RBMS1: variants seen among roughly 807,000 people sequenced by gnomAD.
RBMS1 encodes RNA binding motif single stranded interacting protein 1.
RBMS1 carries 17 observed loss-of-function variants against 62.3 expected under a neutral mutation model. The ratio of observed to expected loss-of-function variants is 0.27; its 90% CI spans 0.19 to 0.41. RBMS1 has a LOEUF of 0.41. Ranked by LOEUF, RBMS1 falls within the 10% of genes least tolerant of loss-of-function variation. The probability of loss-of-function intolerance (pLI) is 1.00; values close to 1 mark genes in which losing one functional copy is unlikely to be tolerated. For synonymous variants in RBMS1, 172 were observed against 170.0 expected, an observed-to-expected ratio of 1.01 and a Z score of -0.09; for missense variants, 334 against 504.5, an observed-to-expected ratio of 0.66 and a Z score of 3.24.
At chr2:160,439,732 G>A (rs1300892855) in intron 1 of RBMS1, among the ~76,000 whole-genome samples, 2 of 152,208 alleles carry the variant, frequency 1.3e-5, no homozygotes, top group Non-Finnish European at 2.9e-5. Context: ...GTAGCAAGCC[G>A]AGATCATGCC....
chr2:160,273,931 C>A lies in RBMS1; in HGVS notation c.*841G>T, dbSNP rs1484672823. ...GTCAGAAAATGTGTTTCACACAAAA[C>A]ATTTTTCCCTTCTTGCATTTCACTA... On this transcript the variant is annotated 3_prime_UTR_variant, in exon 14 of 14. Coordinates refer to ENST00000348849, the MANE Select transcript of RBMS1 (RefSeq NM_016836.4). 6.6e-6 allele frequency: 1 copy of A among 152,664 alleles called. No homozygotes were observed. The highest frequency in any genetic ancestry group is 2.4e-5 in the African/African-American group (1 of 41,468). 9.5% of individuals were successfully genotyped at this position (152,664 alleles called of 1,614,324 possible).
intron 1 of RBMS1, among the ~76,000 whole-genome samples, chr2:160,491,147 C>T (rs1024397869): frequency 2.6e-5 from 4 of 151,924 alleles, no homozygotes; most frequent in Admixed American, 6.6e-5. Context: ...ACTCTGCTTA[C>T]CTAAAATTTG....
rs1351662262 is a variant in RBMS1, at chr2:160,493,636, G to C, written c.-273C>G. On this transcript the variant is annotated 5_prime_UTR_variant, in exon 1 of 14. Coordinates refer to ENST00000348849, the MANE Select transcript of RBMS1 (RefSeq NM_016836.4). ...ACTGCAGAGCGCAGAGGGCACCCCG[G>C]ACAGGGCGCTCCCAAGGAGTTTCCT... 1.9e-6 allele frequency: 1 copy of C among 528,280 alleles called. No homozygotes were observed. The highest frequency in any genetic ancestry group is 3.4e-6 in the Non-Finnish European group (1 of 293,100). 32.7% of individuals were successfully genotyped at this position (528,280 alleles called of 1,614,324 possible).
intron 2 of RBMS1, among the ~76,000 whole-genome samples, chr2:160,338,444 T>C (rs1691694423): frequency 6.6e-6 from 1 of 152,158 alleles, no homozygotes; most frequent in South Asian, 2.1e-4. Flanking sequence ...CTCAATTTTA[T>C]GTATACTAGA....
rs1396822840 is a variant in RBMS1 at position 160,435,276 on chromosome 2, C to T, written c.75+58013G>A. 2.0e-5 allele frequency among the ~76,000 whole-genome samples: 3 copies of T among 152,132 alleles called. No individual in the cohort carries two copies. In the East Asian group the frequency reaches 5.8e-4, roughly 29 times the overall value. ...TATCTCTTTTTTATTGGTATACCAA[C>T]AATTTTTTAATCATACAGTTATTAT... is the stretch of plus-strand genomic sequence containing the variant. On this transcript the variant is annotated intron_variant, in intron 1 of 13. Coordinates refer to ENST00000348849, the MANE Select transcript of RBMS1 (RefSeq NM_016836.4).
intron 1 of RBMS1, among the ~76,000 whole-genome samples, chr2:160,384,097 T>C (rs1694440532): frequency 6.6e-6 from 1 of 152,204 alleles, no homozygotes; most frequent in Non-Finnish European, 1.5e-5. Context: ...CTAGGGAGGC[T>C]GAGGCAGGAG....
chr2:160,455,719 T>A (rs1182555525), intron 1 of RBMS1, among the ~76,000 whole-genome samples: 1 of 144,866 alleles, frequency 6.9e-6, no homozygotes, highest in Non-Finnish European at 1.5e-5. Context: ...AGTCTCGCTC[T>A]GTCGCCCAGG....
chr2:160,356,447 C>G (rs1692806738), intron 2 of RBMS1, among the ~76,000 whole-genome samples: 1 of 151,964 alleles, frequency 6.6e-6, no homozygotes, highest in Admixed American at 6.6e-5. Context: ...GATGAGGAAG[C>G]AAGGGTGCTG....
At chr2:160,339,573 TAC>T (rs1482740615) in intron 2 of RBMS1, among the ~76,000 whole-genome samples, 1 of 152,150 alleles carries the variant, frequency 6.6e-6, no homozygotes, top group Non-Finnish European at 1.5e-5. Flanking sequence ...GTGTATTTAT[TAC>T]ACACCATGAT....
At chr2:160,396,480 C>G (rs1041960865) in intron 1 of RBMS1, among the ~76,000 whole-genome samples, 1 of 151,132 alleles carries the variant, frequency 6.6e-6, no homozygotes, top group African/African-American at 2.4e-5. Flanking sequence ...ACCTTCAAGG[C>G]TTTTACCTCA....
At chr2:160,485,487 G>T (rs949559847) in intron 1 of RBMS1, among the ~76,000 whole-genome samples, 1 of 152,130 alleles carries the variant, frequency 6.6e-6, no homozygotes, top group Admixed American at 6.6e-5. Flanking sequence ...TATAAAGTGG[G>T]TTACTTTTAC....
chr2:160,342,860 C>T (rs1405538450), intron 2 of RBMS1, among the ~76,000 whole-genome samples: 1 of 151,938 alleles, frequency 6.6e-6, no homozygotes, highest in East Asian at 1.9e-4. Context: ...ATCATTTGAA[C>T]CCGGAAAGCG....
intron 1 of RBMS1, among the ~76,000 whole-genome samples, chr2:160,438,994 G>C (rs547495045): frequency 6.8e-6 from 1 of 147,426 alleles, no homozygotes; most frequent in African/African-American, 2.5e-5. Flanking sequence ...CCTCCCGGAC[G>C]GGGCGGCTGG....
chr2:160,342,444 C>T (rs904009434), intron 2 of RBMS1, among the ~76,000 whole-genome samples: 1 of 152,090 alleles, frequency 6.6e-6, no homozygotes, highest in Non-Finnish European at 1.5e-5. Flanking sequence ...ACTCACTCCA[C>T]CCGGAAGCAA....
chr2:160,414,082 G>A lies in RBMS1; in HGVS notation c.76-46691C>T, dbSNP rs139578604. 2.1e-3 allele frequency among the ~76,000 whole-genome samples: 321 copies of A among 152,196 alleles called. 1 individual carries two copies. Among genetic ancestry groups the A allele is most frequent in the African/African-American group, 7.5e-3 (310 of 41,500 alleles). The stretch of plus-strand genomic sequence containing the variant: ...ACCATTTACCATCTGTGTCACATTG[G>A]GCAAGGCACTTATCCCTTCTAGAAG... On this transcript the variant is annotated intron_variant, in intron 1 of 13. Transcript: ENST00000348849.
chr2:160,298,341 T>A (rs943270373), intron 6 of RBMS1, among the ~76,000 whole-genome samples: 2 of 151,708 alleles, frequency 1.3e-5, no homozygotes, highest in African/African-American at 4.8e-5. Flanking sequence ...CTGGAGAGGA[T>A]GAATATAAGG....
Position 160,446,204 on chromosome 2 carries a change from G to C in RBMS1, c.75+47085C>G, listed in dbSNP as rs1004642227. 2.0e-5 allele frequency among the ~76,000 whole-genome samples: 3 copies of C among 152,080 alleles called. No homozygotes were observed. The East Asian group carries it at 5.8e-4, about 29-fold the overall frequency. ...AAAGAATATGAGACTATAAGCAGAGGCTCCAAAAGTTACCTAGTCCCAGCC... is the reference window on the plus strand; with the variant it reads ...AAAGAATATGAGACTATAAGCAGAGCCTCCAAAAGTTACCTAGTCCCAGCC... On this transcript the variant is annotated intron_variant, in intron 1 of 13. Coordinates refer to ENST00000348849, the MANE Select transcript of RBMS1 (RefSeq NM_016836.4).
Position 160,275,813 on chromosome 2 carries a change from TA to T in RBMS1, c.1144-100del, listed in dbSNP as rs1687807580. On this transcript the variant is annotated intron_variant, in intron 12 of 13. Transcript: ENST00000348849. ...AATCCAACAGTGCCTTAAAAACAGTTACTCTTTAAAGTAAATTTCTTCACGT... is the reference window on the plus strand; with the variant it reads ...AATCCAACAGTGCCTTAAAAACAGTTCTCTTTAAAGTAAATTTCTTCACGT... 9 of 1,525,968 alleles carry T rather than the reference TA, an allele frequency of 5.9e-6. No individual in the cohort carries two copies. In the South Asian group the frequency reaches 1.0e-4, roughly 18 times the overall value. The allele number at this position is 1,525,968 out of a possible 1,614,324, so 94.5% of individuals were successfully genotyped here.
At chr2:160,338,328 T>C (rs1691688299) in intron 2 of RBMS1, among the ~76,000 whole-genome samples, 1 of 152,188 alleles carries the variant, frequency 6.6e-6, no homozygotes, top group Non-Finnish European at 1.5e-5. Flanking sequence ...TAATACATGA[T>C]TCTGGGAGTG....
Sources: allele counts gnomAD v4.1 joint callset (sites outside exome capture counted in the v4.1 genomes callset), GRCh38; gene constraint gnomAD v4.1.1; transcripts MANE v1.5; gene names NCBI Gene and HGNC (gene_info 2026-07-23, HGNC 2026-07-21).